Variants in RAB23 observed in about 807,000 individuals in gnomAD.
RAB23 encodes the protein RAB23, member RAS oncogene family.
Under a neutral mutation model 30.0 loss-of-function variants are expected in RAB23, and 15 were observed. The observed-to-expected ratio is 0.50, with a 90% confidence interval of 0.33 to 0.77. RAB23 has a LOEUF of 0.77. RAB23 is among the 30% of genes least tolerant of loss of function. RAB23 has a pLI of 0.02. For synonymous variants in RAB23, 93 were observed against 94.0 expected, an observed-to-expected ratio of 0.99 and a Z score of 0.06; for missense variants, 243 against 275.4, an observed-to-expected ratio of 0.88 and a Z score of 0.83.
intron 3 of RAB23, among the ~76,000 whole-genome samples, chr6:57,199,254 C>CGGG (rs56828755): frequency 6.6e-6 from 1 of 151,870 alleles, no homozygotes; most frequent in African/African-American, 2.4e-5. Context: ...CTCTGGGTGG[C>CGGG]GGGGGGGTGG....
At chr6:57,202,317 T>C (rs1319957360) in intron 3 of RAB23, among the ~76,000 whole-genome samples, 3 of 152,204 alleles carry the variant, frequency 2.0e-5, no homozygotes, top group African/African-American at 4.8e-5. Flanking sequence ...TTTCCCCCAC[T>C]GTATAGTAGC....
intron 1 of RAB23, among the ~76,000 whole-genome samples, chr6:57,216,565 T>C (rs912895282): frequency 6.6e-6 from 1 of 152,150 alleles, no homozygotes; most frequent in South Asian, 2.1e-4. Flanking sequence ...ACGTGGGTTT[T>C]TGGCTTTGTG....
intron 3 of RAB23, among the ~76,000 whole-genome samples, chr6:57,205,676 A>G (rs1448463306): frequency 6.6e-6 from 1 of 152,198 alleles, no homozygotes; most frequent in Non-Finnish European, 1.5e-5. Flanking sequence ...ACAAGAAAGC[A>G]TTCCAGGCAT....
chr6:57,216,105 T>C (rs1407999601), intron 1 of RAB23, among the ~76,000 whole-genome samples: 1 of 152,258 alleles, frequency 6.6e-6, no homozygotes, highest in Non-Finnish European at 1.5e-5. Context: ...TATTTACCAA[T>C]GTGTTACAAG....
At chr6:57,191,841 A>AGTT (rs2127996919) in intron 6 of RAB23, among the ~76,000 whole-genome samples, 1 of 151,606 alleles carries the variant, frequency 6.6e-6, no homozygotes, top group East Asian at 1.9e-4. Flanking sequence ...AGTATTTCTG[A>AGTT]GTTGTGTGTG....
chr6:57,205,204 CAT>C (rs1317737126), intron 3 of RAB23, among the ~76,000 whole-genome samples: 2 of 151,072 alleles, frequency 1.3e-5, no homozygotes, highest in Non-Finnish European at 2.9e-5. Flanking sequence ...CATACATACA[CAT>C]ATATTAAGTG....
chr6:57,210,606 C>T (rs1765617210), intron 1 of RAB23, among the ~76,000 whole-genome samples, 161 bp from the exon 2 acceptor site: 1 of 152,170 alleles, frequency 6.6e-6, no homozygotes, highest in African/African-American at 2.4e-5. Context: ...AAAGGTACAG[C>T]AATAACAATT....
At position 57,190,380 on chromosome 6, in the gene RAB23, C is replaced by T; in HGVS notation, c.*81G>A. ...CATTAGGAGCAAAGTCTGCTGAAAACCTTGTAACATACCATGACAGCTGGA... is the reference window on the plus strand; with the variant it reads ...CATTAGGAGCAAAGTCTGCTGAAAATCTTGTAACATACCATGACAGCTGGA... On this transcript the variant is annotated 3_prime_UTR_variant, in exon 7 of 7. Transcript: ENST00000468148. The T allele has an allele frequency of 1.3e-6, 2 of 1,540,760 alleles. No individual in the cohort carries two copies. Among genetic ancestry groups the T allele is most frequent in the Middle Eastern group, 2.1e-4 (1 of 4,754 alleles).
At chr6:57,194,948 G>T in intron 4 of RAB23, 96 bp from the exon 5 acceptor site, 2 of 920,028 alleles carry the variant, frequency 2.2e-6, no homozygotes, top group Non-Finnish European at 3.5e-6. Flanking sequence ...ATACAGTTTG[G>T]CAGGGAAGGG....
chr6:57,197,084 G>A (rs1460896762), intron 3 of RAB23, among the ~76,000 whole-genome samples: 1 of 151,934 alleles, frequency 6.6e-6, no homozygotes, highest in African/African-American at 2.4e-5. Flanking sequence ...TTCTTTCAGC[G>A]CAGATTTAAG....
chr6:57,192,745 A>T (rs1156927081), intron 6 of RAB23, among the ~76,000 whole-genome samples: 1 of 152,186 alleles, frequency 6.6e-6, no homozygotes, highest in Admixed American at 6.5e-5. Flanking sequence ...GAAAAAGAGT[A>T]TGGAGGATGT....
intron 1 of RAB23, among the ~76,000 whole-genome samples, chr6:57,218,828 T>G (rs1271970582): frequency 6.8e-6 from 1 of 147,850 alleles, no homozygotes; most frequent in Non-Finnish European, 1.5e-5. Context: ...CACTCCAGCC[T>G]GGGTGACAGA....
chr6:57,216,060 C>T (rs1000571921), intron 1 of RAB23, among the ~76,000 whole-genome samples: 1 of 152,138 alleles, frequency 6.6e-6, no homozygotes, highest in African/African-American at 2.4e-5. Context: ...GTTTACTATG[C>T]CTTTTCTGTG....
intron 1 of RAB23, among the ~76,000 whole-genome samples, chr6:57,217,836 A>C (rs947474188): frequency 3.9e-5 from 6 of 152,306 alleles, no homozygotes; most frequent in South Asian, 2.1e-4. Context: ...AAATTTAATA[A>C]AACTTTAGTG....
At chr6:57,212,337 A>G (rs12210597) in intron 1 of RAB23, among the ~76,000 whole-genome samples, 36,459 of 152,042 alleles carry the variant, frequency 0.24, 4,796 homozygotes, top group African/African-American at 0.36. Context: ...TGCAGTCTGG[A>G]GCTCTTTCCA....
intron 3 of RAB23, among the ~76,000 whole-genome samples, chr6:57,202,356 C>T (rs979819894): frequency 6.6e-6 from 1 of 152,180 alleles, no homozygotes; most frequent in African/African-American, 2.4e-5. Context: ...TAAACCTATT[C>T]TCTGCTGGAG....
intron 3 of RAB23, among the ~76,000 whole-genome samples, chr6:57,199,506 C>CT (rs1410784086): frequency 1.3e-5 from 2 of 152,234 alleles, no homozygotes; most frequent in East Asian, 3.9e-4. Flanking sequence ...CAGTAAATGC[C>CT]TTAAGTTAAA....
chr6:57,203,905 T>C (rs1215793453), intron 3 of RAB23, among the ~76,000 whole-genome samples: 1 of 152,032 alleles, frequency 6.6e-6, no homozygotes, highest in Non-Finnish European at 1.5e-5. Context: ...GAGTGGTAAG[T>C]AGTGGTGGCA....
chr6:57,190,464 G>C lies in RAB23; in HGVS notation c.711C>G (p.Pro237=). Residue 237 remains proline (P), a synonymous_variant, in exon 7 of 7, where the codon CCC becomes CCG. Coordinates refer to ENST00000468148, the MANE Select transcript of RAB23 (RefSeq NM_016277.5). ...NRNPFSSCSI[P] ...ATTGTTTTCCTCCCAAAACATCTTA[G>C]GGTATGCTACAGCTGCTAAAAGGAT... The C allele has an allele frequency of 3.1e-6, 5 of 1,614,016 alleles. No individual in the cohort carries two copies. Among genetic ancestry groups the C allele is most frequent in the Non-Finnish European group, 4.2e-6 (5 of 1,179,932 alleles).
Sources: allele counts gnomAD v4.1 joint callset (sites outside exome capture counted in the v4.1 genomes callset), GRCh38; gene constraint gnomAD v4.1.1; transcripts MANE v1.5; gene names NCBI Gene and HGNC (gene_info 2026-07-23, HGNC 2026-07-21).